Variants in ABTB3 observed in about 807,000 individuals in gnomAD.
ABTB3 encodes ankyrin repeat- and BTB/POZ domain-containing protein 3.
the ABTB3 span, chr12:107,649,514 C>T: frequency 2.0e-6 from 1 of 503,784 alleles, no homozygotes; most frequent in Non-Finnish European, 3.6e-6. Context: ...TGCCTGACTG[C>T]TTTTAGTAGC....
the ABTB3 span, among the ~76,000 whole-genome samples, chr12:107,480,204 G>A: frequency 7.9e-5 from 12 of 152,262 alleles, no homozygotes; most frequent in Middle Eastern, 3.4e-3. Context: ...CACAGAAGTA[G>A]TTAGCATTAG....
the ABTB3 span, among the ~76,000 whole-genome samples, chr12:107,541,456 G>A: frequency 6.6e-6 from 1 of 152,220 alleles, no homozygotes; most frequent in Non-Finnish European, 1.5e-5. Context: ...TCTCTGTAGC[G>A]AGATAGACTG....
the ABTB3 span, among the ~76,000 whole-genome samples, chr12:107,536,915 C>T: frequency 6.6e-6 from 1 of 152,180 alleles, no homozygotes; most frequent in Admixed American, 6.5e-5. Flanking sequence ...ATATCCAAGA[C>T]ATGTCTGCAC....
At chr12:107,483,493 A>G in the ABTB3 span, among the ~76,000 whole-genome samples, 1 of 152,070 alleles carries the variant, frequency 6.6e-6, no homozygotes, top group Non-Finnish European at 1.5e-5. Flanking sequence ...GCCTGTGGCA[A>G]ATCACCCTGC....
At chr12:107,581,209 C>G in the ABTB3 span, 3 of 1,523,238 alleles carry the variant, frequency 2.0e-6, no homozygotes, top group South Asian at 1.2e-5. Context: ...TGGCGCACGC[C>G]GGCCACCGCC....
the ABTB3 span, among the ~76,000 whole-genome samples, chr12:107,596,035 TATA>T: frequency 1.2e-4 from 18 of 152,336 alleles, no homozygotes; most frequent in African/African-American, 4.1e-4. Context: ...ATGTGTTTGC[TATA>T]ATTATTATTT....
At chr12:107,448,045 A>G in the ABTB3 span, among the ~76,000 whole-genome samples, 1 of 151,916 alleles carries the variant, frequency 6.6e-6, no homozygotes, top group Non-Finnish European at 1.5e-5. Context: ...GTCTTAAGTG[A>G]ATGTCAGAGC....
At chr12:107,437,766 C>T in the ABTB3 span, among the ~76,000 whole-genome samples, 1 of 152,112 alleles carries the variant, frequency 6.6e-6, no homozygotes, top group African/African-American at 2.4e-5. Context: ...TGGGCCCCAC[C>T]TGGGTAATCT....
the ABTB3 span, among the ~76,000 whole-genome samples, chr12:107,365,625 C>A: frequency 6.6e-6 from 1 of 152,092 alleles, no homozygotes; most frequent in Non-Finnish European, 1.5e-5. Context: ...TTTGCTATGA[C>A]CCCCAACTTG....
chr12:107,469,634 C>T, the ABTB3 span, among the ~76,000 whole-genome samples: 1 of 152,110 alleles, frequency 6.6e-6, no homozygotes, highest in African/African-American at 2.4e-5. Flanking sequence ...AGTTGAGGTT[C>T]CCCCAGCAGC....
At chr12:107,398,460 A>C in the ABTB3 span, among the ~76,000 whole-genome samples, 1 of 151,970 alleles carries the variant, frequency 6.6e-6, no homozygotes, top group Non-Finnish European at 1.5e-5. Context: ...CGGAAAGAGG[A>C]GGCTAGAAGT....
chr12:107,344,085 G>C, the ABTB3 span, among the ~76,000 whole-genome samples: 1 of 152,130 alleles, frequency 6.6e-6, no homozygotes, highest in Non-Finnish European at 1.5e-5. Context: ...CCAGTCTCAA[G>C]GTAGCCTCAT....
chr12:107,489,602 C>G, the ABTB3 span, among the ~76,000 whole-genome samples: 1 of 152,058 alleles, frequency 6.6e-6, no homozygotes, highest in South Asian at 2.1e-4. Context: ...ATCTAGCTAT[C>G]AGAATAGTAC....
the ABTB3 span, among the ~76,000 whole-genome samples, chr12:107,487,311 A>T: frequency 2.0e-5 from 3 of 152,122 alleles, no homozygotes; most frequent in African/African-American, 4.8e-5. Context: ...TTTTCTGAAA[A>T]TAGGAAGCCC....
At chr12:107,500,855 G>A in the ABTB3 span, among the ~76,000 whole-genome samples, 1 of 152,128 alleles carries the variant, frequency 6.6e-6, no homozygotes, top group East Asian at 1.9e-4. Context: ...TCTTGCCTCT[G>A]TTAGAGCCTT....
chr12:107,645,423 G>C, the ABTB3 span, among the ~76,000 whole-genome samples: 1 of 152,152 alleles, frequency 6.6e-6, no homozygotes, highest in Non-Finnish European at 1.5e-5. Flanking sequence ...TGCATTCAGA[G>C]AGGCGGAGTA....
chr12:107,495,159 G>C, the ABTB3 span, among the ~76,000 whole-genome samples: 1 of 152,188 alleles, frequency 6.6e-6, no homozygotes, highest in Non-Finnish European at 1.5e-5. Flanking sequence ...CTCTCCCTTG[G>C]TAGTGGGGAA....
chr12:107,398,939 C>T, the ABTB3 span, among the ~76,000 whole-genome samples: 4 of 152,316 alleles, frequency 2.6e-5, no homozygotes, highest in East Asian at 5.8e-4. Context: ...ACAAGCTATA[C>T]TGGCATCCTA....
the ABTB3 span, among the ~76,000 whole-genome samples, chr12:107,369,733 T>C: frequency 6.1e-5 from 6 of 98,678 alleles, no homozygotes; most frequent in Non-Finnish European, 1.3e-4. Flanking sequence ...TTTTTTTTTT[T>C]TCTGAGCTTT....
Sources: gnomAD v4.1 joint callset for allele counts (sites outside exome capture counted in the v4.1 genomes callset) on GRCh38, gnomAD v4.1.1 for gene constraint, MANE v1.5 for transcripts, NCBI Gene and HGNC (gene_info 2026-07-23, HGNC 2026-07-21) for gene names.